Variants in CCSER1 observed in about 807,000 individuals in gnomAD.
The protein encoded by CCSER1 is serine-rich coiled-coil domain-containing protein 1.
CCSER1 carries 41 observed loss-of-function variants against 82.0 expected under a neutral mutation model. That is an observed-to-expected ratio of 0.50 (90% CI 0.39 to 0.65). The LOEUF is 0.65. Ranked by LOEUF, CCSER1 falls within the 30% of genes least tolerant of loss-of-function variation. The pLI is 0.00. For missense variants in CCSER1, 1,119 were observed against 1,064.2 expected (o/e 1.05, Z -0.72); for synonymous variants, 414 against 383.9 (o/e 1.08, Z -0.92).
At chr4:90,910,600 C>G (rs1388125194) in intron 8 of CCSER1, among the ~76,000 whole-genome samples, 1 of 152,150 alleles carries the variant, frequency 6.6e-6, no homozygotes, top group Non-Finnish European at 1.5e-5. Flanking sequence ...GCAATCTGCT[C>G]TCAGAGTGGT....
At position 90,662,000 on chromosome 4, in the gene CCSER1, C is replaced by CTTTTTTTTTTTTTTTTTTTT. The variant is rs768964116; in HGVS notation, c.1932+33784_1932+33785insTTTTTTTTTTTTTTTTTTTT. Among the ~76,000 whole-genome samples, 2 of 136,186 alleles carry CTTTTTTTTTTTTTTTTTTTT rather than the reference C, an allele frequency of 1.5e-5. 1 individual carries two copies. The highest frequency in any genetic ancestry group is 3.2e-5 in the Non-Finnish European group (2 of 63,068). 89.3% of individuals were successfully genotyped at this position (136,186 alleles called of 152,430 possible). A position where few individuals can be genotyped will look rare whatever the true frequency, so the allele number is the denominator to read the frequency against. On this transcript the variant is annotated intron_variant, in intron 6 of 10. Transcript: ENST00000509176. The stretch of plus-strand genomic sequence containing the variant: ...TATACCACTCTTTGTTTCTTTCTTT[C>CTTTTTTTTTTTTTTTTTTTT]TTTTTTTTTTTTTTTTGAGACTTAG...
chr4:90,805,598 A>G (rs1484547025), intron 7 of CCSER1, among the ~76,000 whole-genome samples: 1 of 152,198 alleles, frequency 6.6e-6, no homozygotes, highest in Admixed American at 6.5e-5. Flanking sequence ...CCACTTTTCA[A>G]TAGGAATACT....
intron 1 of CCSER1, among the ~76,000 whole-genome samples, chr4:90,168,393 A>G (rs1259331421): frequency 6.6e-6 from 1 of 152,080 alleles, no homozygotes; most frequent in Non-Finnish European, 1.5e-5. Context: ...TCAGATGAGT[A>G]GATTGAAAAA....
intron 9 of CCSER1, among the ~76,000 whole-genome samples, chr4:91,011,815 G>A (rs537949388): frequency 7.4e-6 from 1 of 134,618 alleles, no homozygotes; most frequent in African/African-American, 2.5e-5. Flanking sequence ...ATCCCAGACT[G>A]TATGAAGCCA....
chr4:90,568,503 G>A (rs1779681166), intron 5 of CCSER1, among the ~76,000 whole-genome samples: 1 of 151,954 alleles, frequency 6.6e-6, no homozygotes, highest in African/African-American at 2.4e-5. Flanking sequence ...GGTTTCCACT[G>A]CAGGAATATA....
intron 1 of CCSER1, among the ~76,000 whole-genome samples, chr4:90,269,120 T>C (rs889254732): frequency 1.3e-5 from 2 of 152,126 alleles, no homozygotes; most frequent in Non-Finnish European, 2.9e-5. Context: ...ACTTTCAGCA[T>C]TGGACAGATT....
intron 8 of CCSER1, among the ~76,000 whole-genome samples, chr4:90,829,730 G>C (rs1453361392): frequency 1.3e-5 from 2 of 152,172 alleles, no homozygotes; most frequent in African/African-American, 2.4e-5. Context: ...GTCTGCGAGA[G>C]AGTAGATGAC....
intron 6 of CCSER1, among the ~76,000 whole-genome samples, chr4:90,693,128 T>G (rs1468659002): frequency 6.6e-6 from 1 of 151,900 alleles, no homozygotes; most frequent in African/African-American, 2.4e-5. Flanking sequence ...AGTGGCTGAG[T>G]CTTCAAATTC....
intron 10 of CCSER1, among the ~76,000 whole-genome samples, chr4:91,277,658 A>T: frequency 7.0e-6 from 1 of 143,814 alleles, no homozygotes; most frequent in Non-Finnish European, 1.5e-5. Context: ...TCCTTTATAT[A>T]TATTTTTTGA....
intron 10 of CCSER1, among the ~76,000 whole-genome samples, chr4:91,426,601 T>G (rs1753996900): frequency 6.6e-6 from 1 of 152,180 alleles, no homozygotes; most frequent in Admixed American, 6.5e-5. Flanking sequence ...TTAAAAAAAC[T>G]TAGTCTATTG....
At chr4:90,702,957 T>A (rs1738477137) in intron 6 of CCSER1, among the ~76,000 whole-genome samples, 1 of 152,212 alleles carries the variant, frequency 6.6e-6, no homozygotes, top group Non-Finnish European at 1.5e-5. Flanking sequence ...AAGGGTTTTT[T>A]ATGCCTCTAT....
chr4:91,496,645 CAATATATATTG>C lies in CCSER1; in HGVS notation c.2218-101917_2218-101907del, dbSNP rs1758852779. On this transcript the variant is annotated intron_variant, in intron 10 of 10. Coordinates refer to ENST00000509176, the MANE Select transcript of CCSER1 (RefSeq NM_001145065.2). ...ATATATATTTGAATATATATATATT[CAATATATATTG>C]AATATATATATATTCAATATATTTG... Among the ~76,000 whole-genome samples, 10 of 20,038 alleles carry C rather than the reference CAATATATATTG, an allele frequency of 5.0e-4. 2 individuals are homozygous for C. The highest frequency in any genetic ancestry group is 1.3e-3 in the African/African-American group (10 of 8,000). The allele number at this position is 20,038 out of a possible 152,430, so 13.1% of individuals were successfully genotyped here. A position where few individuals can be genotyped will look rare whatever the true frequency, so the allele number is the denominator to read the frequency against.
chr4:91,593,887 T>C (rs1490382489), intron 10 of CCSER1, among the ~76,000 whole-genome samples: 1 of 152,160 alleles, frequency 6.6e-6, no homozygotes, highest in Admixed American at 6.6e-5. Flanking sequence ...TAAATAATAA[T>C]ATGTTTTAAA....
intron 8 of CCSER1, among the ~76,000 whole-genome samples, chr4:90,906,987 T>C (rs923348760): frequency 6.6e-6 from 1 of 152,080 alleles, no homozygotes; most frequent in African/African-American, 2.4e-5. Flanking sequence ...AATTGCAAAA[T>C]AGAAAATTCA....
chr4:90,264,405 G>T (rs1183570327), intron 1 of CCSER1, among the ~76,000 whole-genome samples: 1 of 152,232 alleles, frequency 6.6e-6, no homozygotes, highest in Non-Finnish European at 1.5e-5. Context: ...AGTCAGTCTA[G>T]TACTAACTGG....
chr4:90,876,476 T>C (rs1272687886), intron 8 of CCSER1, among the ~76,000 whole-genome samples: 7 of 152,084 alleles, frequency 4.6e-5, no homozygotes, highest in Admixed American at 4.6e-4. Flanking sequence ...ATTTTAAGAT[T>C]AAAAAGATGA....
At chr4:91,047,839 G>A (rs1469133088) in intron 9 of CCSER1, among the ~76,000 whole-genome samples, 1 of 152,034 alleles carries the variant, frequency 6.6e-6, no homozygotes, top group Non-Finnish European at 1.5e-5. Context: ...CAGAAAATAA[G>A]TTCAAATCCT....
chr4:91,321,577 T>C (rs995567859), intron 10 of CCSER1, among the ~76,000 whole-genome samples: 1 of 152,150 alleles, frequency 6.6e-6, no homozygotes, highest in East Asian at 1.9e-4. Context: ...TATTTTTTTA[T>C]TGTTCATGAA....
At chr4:91,479,014 A>G (rs1757742651) in intron 10 of CCSER1, among the ~76,000 whole-genome samples, 1 of 151,886 alleles carries the variant, frequency 6.6e-6, no homozygotes, top group African/African-American at 2.4e-5. Flanking sequence ...TTAATGTAGT[A>G]GCACAATTGC....
Sources: gnomAD v4.1 joint callset for allele counts (sites outside exome capture counted in the v4.1 genomes callset) on GRCh38, gnomAD v4.1.1 for gene constraint, MANE v1.5 for transcripts, NCBI Gene and HGNC (gene_info 2026-07-23, HGNC 2026-07-21) for gene names.